Variants in PCDH15 observed in about 807,000 individuals in gnomAD.
PCDH15 encodes the protein protocadherin related 15.
Under a neutral mutation model 178.5 loss-of-function variants are expected in PCDH15, and 129 were observed. The ratio of observed to expected loss-of-function variants is 0.72; its 90% CI spans 0.63 to 0.84. The LOEUF (loss-of-function observed/expected upper bound fraction) is 0.84, where lower values mean the gene tolerates loss of function less well. Ranked by LOEUF, PCDH15 falls within the 40% of genes least tolerant of loss-of-function variation. The probability of loss-of-function intolerance (pLI) is 0.00; values close to 1 mark genes in which losing one functional copy is unlikely to be tolerated. For synonymous variants in PCDH15, 800 were observed against 732.0 expected (o/e 1.09, Z -1.50); for missense variants, 2,230 against 2,099.9 (o/e 1.06, Z -1.21).
At chr10:55,132,920 T>C (rs552502747) in intron 2 of PCDH15, among the ~76,000 whole-genome samples, 3 of 152,186 alleles carry the variant, frequency 2.0e-5, no homozygotes, top group Non-Finnish European at 4.4e-5. Flanking sequence ...CTTCCTAATT[T>C]AGTTGTTTCA....
chr10:55,547,910 T>TGTGTGAGAGAGA lies in PCDH15; in HGVS notation c.-156+79714_-156+79715insTCTCTCTCACAC, dbSNP rs541144266. Among the ~76,000 whole-genome samples the TGTGTGAGAGAGA allele has an allele frequency of 5.7e-3, 310 of 54,486 alleles. 1 individual carries two copies. Among genetic ancestry groups the TGTGTGAGAGAGA allele is most frequent in the African/African-American group, 0.011 (134 of 12,386 alleles). 35.7% of individuals were successfully genotyped at this position (54,486 alleles called of 152,430 possible). ...TGGTGTGTGTGTCTGTGTGTGTGTG[T>TGTGTGAGAGAGA]GAGAGAGAGAGAGAGAGAGAGAGAG... is the stretch of plus-strand genomic sequence containing the variant. On this transcript the variant is annotated intron_variant, in intron 2 of 5. Transcript: ENST00000613346.
intron 9 of PCDH15, among the ~76,000 whole-genome samples, chr10:54,228,079 C>A (rs2053647468): frequency 6.6e-6 from 1 of 152,186 alleles, no homozygotes; most frequent in African/African-American, 2.4e-5. Flanking sequence ...TTACCCAGTT[C>A]CAAAGTCGTT....
chr10:54,524,867 C>A (rs1269551301), intron 3 of PCDH15, among the ~76,000 whole-genome samples: 5 of 152,086 alleles, frequency 3.3e-5, no homozygotes, highest in Non-Finnish European at 2.9e-5. Context: ...TCTTGTTCAG[C>A]CCAAGATGAT....
Position 54,718,070 on chromosome 10 carries a change from G to A in PCDH15, c.-28-53780C>T, listed in dbSNP as rs947674210. 6.7e-5 allele frequency among the ~76,000 whole-genome samples: 10 copies of A among 149,906 alleles called. No individual in the cohort carries two copies. In the Admixed American group the frequency reaches 6.7e-4, roughly 10 times the overall value. On this transcript the variant is annotated intron_variant, in intron 1 of 37. Transcript: ENST00000644397. ...GATGGGAATTGAACAATGGGAACAC[G>A]TGGACACAGGAGGGTGAACATCACA...
intron 26 of PCDH15, among the ~76,000 whole-genome samples, chr10:53,881,518 C>T (rs907029352): frequency 3.9e-5 from 6 of 151,952 alleles, no homozygotes; most frequent in African/African-American, 1.5e-4. Context: ...TTGAGCATGA[C>T]CAAAAACGTT....
chr10:53,954,451 T>C (rs1377305087), intron 23 of PCDH15, among the ~76,000 whole-genome samples: 1 of 152,218 alleles, frequency 6.6e-6, no homozygotes, highest in Non-Finnish European at 1.5e-5. Context: ...CTAGAACTGG[T>C]ATACTGAAAA....
chr10:55,299,325 T>C (rs1843210411), intron 1 of PCDH15, among the ~76,000 whole-genome samples: 1 of 152,100 alleles, frequency 6.6e-6, no homozygotes, highest in Non-Finnish European at 1.5e-5. Flanking sequence ...TGTGGCTTTT[T>C]TAATTAAAGG....
At chr10:54,019,471 A>G (rs185448367) in intron 20 of PCDH15, among the ~76,000 whole-genome samples, 46 of 152,238 alleles carry the variant, frequency 3.0e-4, no homozygotes, top group African/African-American at 1.1e-3. Flanking sequence ...GGGAAGGAGT[A>G]GAGAAATCTG....
chr10:54,360,916 T>G (rs1396519992), intron 5 of PCDH15, among the ~76,000 whole-genome samples: 1 of 152,118 alleles, frequency 6.6e-6, no homozygotes, highest in Non-Finnish European at 1.5e-5. Flanking sequence ...TAAAAGTATG[T>G]TTATTAGTCT....
chr10:54,439,992 T>C (rs890551505), intron 3 of PCDH15, among the ~76,000 whole-genome samples: 3 of 152,050 alleles, frequency 2.0e-5, no homozygotes, highest in Non-Finnish European at 4.4e-5. Flanking sequence ...AAACCTGATC[T>C]CTTTTTAAAG....
intron 13 of PCDH15, among the ~76,000 whole-genome samples, 193 bp downstream of exon 13, chr10:54,183,251 G>T (rs996678840): frequency 6.6e-6 from 1 of 152,196 alleles, no homozygotes. Context: ...GATTACAGGC[G>T]TGAGCCACCA....
intron 18 of PCDH15, among the ~76,000 whole-genome samples, chr10:54,043,876 C>T (rs1021010374): frequency 7.9e-5 from 12 of 152,096 alleles, no homozygotes; most frequent in Non-Finnish European, 5.9e-5. Flanking sequence ...CAGTATCCCT[C>T]GCCTGGAGAT....
chr10:53,808,803 A>C, intron 37 of PCDH15: 1 of 1,611,698 alleles, frequency 6.2e-7, no homozygotes, highest in Non-Finnish European at 8.5e-7. Flanking sequence ...CTCCAGACTG[A>C]CTTTCGCTAC....
At chr10:53,839,787 T>C (rs1047145875) in intron 29 of PCDH15, among the ~76,000 whole-genome samples, 2 of 152,154 alleles carry the variant, frequency 1.3e-5, no homozygotes, top group South Asian at 2.1e-4. Flanking sequence ...ATAACTCAAA[T>C]TTTTAAGTTC....
intron 28 of PCDH15, among the ~76,000 whole-genome samples, chr10:53,841,244 C>T (rs1311010073): frequency 6.6e-6 from 1 of 151,842 alleles, no homozygotes; most frequent in African/African-American, 2.4e-5. Flanking sequence ...ATATTATTAA[C>T]CCAAGTATAT....
At chr10:54,756,896 CA>C (rs958997962) in intron 1 of PCDH15, among the ~76,000 whole-genome samples, 40 of 152,212 alleles carry the variant, frequency 2.6e-4, no homozygotes, top group African/African-American at 9.4e-4. Context: ...CAATTTATGT[CA>C]ATAAAAATGA....
intron 1 of PCDH15, among the ~76,000 whole-genome samples, chr10:54,742,307 G>A (rs766313109): frequency 2.0e-5 from 3 of 151,964 alleles, no homozygotes; most frequent in Admixed American, 2.0e-4. Flanking sequence ...TATTCCTACA[G>A]TGTGTATGGG....
intron 13 of PCDH15, among the ~76,000 whole-genome samples, chr10:54,163,192 C>T (rs1016387203): frequency 3.3e-5 from 5 of 152,050 alleles, no homozygotes; most frequent in African/African-American, 1.2e-4. Flanking sequence ...ATACTTGAAT[C>T]GTATTCATAT....
intron 20 of PCDH15, among the ~76,000 whole-genome samples, chr10:54,010,609 C>T (rs1230412589): frequency 6.6e-6 from 1 of 152,180 alleles, no homozygotes; most frequent in African/African-American, 2.4e-5. Flanking sequence ...GCACAACCAC[C>T]TTGTCAATGC....
Sources: allele counts gnomAD v4.1 joint callset (sites outside exome capture counted in the v4.1 genomes callset), GRCh38; gene constraint gnomAD v4.1.1; transcripts MANE v1.5; gene names NCBI Gene and HGNC (gene_info 2026-07-23, HGNC 2026-07-21).